ZNF33A: variants seen among roughly 807,000 people sequenced by gnomAD.
ZNF33A encodes zinc finger protein 33A.
Under a neutral mutation model 15.9 loss-of-function variants are expected in ZNF33A, and 9 were observed. The ratio of observed to expected loss-of-function variants is 0.57; its 90% confidence interval spans 0.34 to 0.99. The LOEUF (loss-of-function observed/expected upper bound fraction) is 0.99, where lower values mean the gene tolerates loss of function less well. Among genes scored for constraint, ZNF33A ranks in the 50% least tolerant of loss-of-function variants. The probability of loss-of-function intolerance (pLI) is 0.02; values close to 1 mark genes in which losing one functional copy is unlikely to be tolerated. For missense variants in ZNF33A, 843 were observed against 941.6 expected (o/e 0.90, Z 1.37); for synonymous variants, 294 against 324.2 (o/e 0.91, Z 1.00).
chr10:38,026,733 A>C (rs757911803), intron 4 of ZNF33A, among the ~76,000 whole-genome samples: 2 of 152,254 alleles, frequency 1.3e-5, no homozygotes, highest in African/African-American at 4.8e-5. Flanking sequence ...CATTTTAAGT[A>C]GGGATCTAAC....
chr10:38,067,265 G>T (rs1331663081), downstream of ZNF33A, among the ~76,000 whole-genome samples: 1 of 152,162 alleles, frequency 6.6e-6, no homozygotes, highest in Admixed American at 6.5e-5. Flanking sequence ...TTCTTAACAT[G>T]GTGTAATTGG....
At chr10:38,034,484 C>T (rs2065351498) in intron 4 of ZNF33A, among the ~76,000 whole-genome samples, 1 of 152,086 alleles carries the variant, frequency 6.6e-6, no homozygotes, top group African/African-American at 2.4e-5. Context: ...GGGAAAAAGC[C>T]CACAGTGGTA....
intron 4 of ZNF33A, among the ~76,000 whole-genome samples, chr10:38,044,219 T>G (rs1438541443): frequency 1.3e-5 from 2 of 150,792 alleles, no homozygotes; most frequent in Non-Finnish European, 1.5e-5. Flanking sequence ...TTTTTTTTTT[T>G]TTTTTGAGAT....
rs202192103 is a variant in ZNF33A at position 38,036,448 on chromosome 10, T to A, written c.251-17927T>A. ...GCAAGATTCTGTCTCAAAAAAAAAATAAAAATAAAAAATCTGTAACCCGCC... is the reference window on the plus strand; with the variant it reads ...GCAAGATTCTGTCTCAAAAAAAAAAAAAAAATAAAAAATCTGTAACCCGCC... On this transcript the variant is annotated intron_variant, in intron 4 of 4. Transcript: ENST00000432900. Among the ~76,000 whole-genome samples, 1,371 of 149,902 alleles carry A rather than the reference T, an allele frequency of 9.1e-3. 13 individuals carry two copies. Among genetic ancestry groups the A allele is most frequent in the South Asian group, 0.055 (262 of 4,764 alleles).
intron 4 of ZNF33A, among the ~76,000 whole-genome samples, chr10:38,041,293 C>T (rs913744651): frequency 2.4e-4 from 37 of 151,504 alleles, no homozygotes; most frequent in African/African-American, 8.7e-4. Flanking sequence ...CAGTGTCTCT[C>T]ATTCCACTCT....
rs1421301375 is a variant in ZNF33A at position 38,058,858 on chromosome 10, A to T, written c.*2298A>T. On this transcript the variant is annotated 3_prime_UTR_variant, in exon 5 of 5. Transcript: ENST00000432900. ...TTTTGAGATACTTAAGGTAGAAATGATACCAAGTCTCTACCATCTCTTTCA... is the reference window on the plus strand; with the variant it reads ...TTTTGAGATACTTAAGGTAGAAATGTTACCAAGTCTCTACCATCTCTTTCA... 1 of 152,210 alleles carries T rather than the reference A, an allele frequency of 6.6e-6. No homozygotes were observed. Among genetic ancestry groups the T allele is most frequent in the African/African-American group, 2.4e-5 (1 of 41,462 alleles). The allele number at this position is 152,210 out of a possible 1,614,324, so 9.4% of individuals were successfully genotyped here. A position where few individuals can be genotyped will look rare whatever the true frequency, so the allele number is the denominator to read the frequency against.
chr10:38,059,946 G>C lies in ZNF33A; in HGVS notation c.*3386G>C, dbSNP rs2066630919. 2.6e-6 allele frequency: 1 copy of C among 391,288 alleles called. No homozygotes were observed. Among genetic ancestry groups the C allele is most frequent in the African/African-American group, 2.2e-5 (1 of 45,876 alleles). 24.2% of individuals were successfully genotyped at this position (391,288 alleles called of 1,614,324 possible). ...ATTGGGGAGCCTGTGGAAGATGGGA[G>C]GGGAAAGGGTTATATGAGAATTCTC... On this transcript the variant is annotated 3_prime_UTR_variant, in exon 5 of 5. Coordinates refer to ENST00000432900, the MANE Select transcript of ZNF33A (RefSeq NM_006954.2).
At chr10:38,061,399 G>C (rs894558546), downstream of ZNF33A, among the ~76,000 whole-genome samples, 1 of 152,128 alleles carries the variant, frequency 6.6e-6, no homozygotes, top group African/African-American at 2.4e-5. Context: ...AAGGATACCA[G>C]TTCTCCCCAG....
chr10:38,017,243 G>A (rs774383556), intron 3 of ZNF33A, 48 bp from the exon 4 acceptor site: 2 of 1,559,724 alleles, frequency 1.3e-6, no homozygotes, highest in Non-Finnish European at 1.8e-6. Flanking sequence ...TCAAAGGCCT[G>A]AAGTCTAGAC....
At chr10:38,011,191 A>G (rs1373659626) in intron 1 of ZNF33A, among the ~76,000 whole-genome samples, 1 of 152,212 alleles carries the variant, frequency 6.6e-6, no homozygotes, top group Non-Finnish European at 1.5e-5. Flanking sequence ...CATCCTCTTT[A>G]GGTTCCGAAC....
At chr10:38,014,917 A>G (rs1477210886) in intron 2 of ZNF33A, among the ~76,000 whole-genome samples, 1 of 152,116 alleles carries the variant, frequency 6.6e-6, no homozygotes, top group Non-Finnish European at 1.5e-5. Flanking sequence ...AGAGTCGCCC[A>G]GGCTGGAGTG....
At chr10:38,016,708 C>T (rs1194487897) in intron 2 of ZNF33A, among the ~76,000 whole-genome samples, 163 bp from the exon 3 acceptor site, 1 of 152,160 alleles carries the variant, frequency 6.6e-6, no homozygotes, top group Non-Finnish European at 1.5e-5. Context: ...TTGATAATTT[C>T]TTTTGCATGA....
At chr10:38,035,485 T>C (rs2749563) in intron 4 of ZNF33A, among the ~76,000 whole-genome samples, 115,878 of 152,088 alleles carry the variant, frequency 0.76, 44,305 homozygotes, top group South Asian at 0.87. Flanking sequence ...TTGTTAATTA[T>C]GCCTATGTGG....
chr10:38,053,575 A>G (rs2066312926), intron 4 of ZNF33A, among the ~76,000 whole-genome samples: 1 of 152,236 alleles, frequency 6.6e-6, no homozygotes, highest in South Asian at 2.1e-4. Flanking sequence ...AGTTTAGTCC[A>G]TAACAGATTC....
At position 38,059,607 on chromosome 10, in the gene ZNF33A, G is replaced by C; in HGVS notation, c.*3047G>C. On this transcript the variant is annotated 3_prime_UTR_variant, in exon 5 of 5. Transcript: ENST00000432900. ...CTTATTGTTAAGTGAAAACCAATCT[G>C]AAAAGGCTTTCTATTTTGTATGATT... The C allele has an allele frequency of 6.6e-6, 1 of 152,182 alleles. No homozygotes were observed. Among genetic ancestry groups the C allele is most frequent in the Admixed American group, 6.5e-5 (1 of 15,280 alleles). The allele number at this position is 152,182 out of a possible 1,614,324, so 9.4% of individuals were successfully genotyped here. A position where few individuals can be genotyped will look rare whatever the true frequency, so the allele number is the denominator to read the frequency against.
At chr10:38,017,058 T>G in intron 3 of ZNF33A, 43 bp downstream of exon 3, 4 of 1,581,986 alleles carry the variant, frequency 2.5e-6, no homozygotes, top group Non-Finnish European at 3.4e-6. Flanking sequence ...CATTTGTTTA[T>G]TCTTTTGATT....
chr10:38,015,403 T>G (rs1211931008), intron 2 of ZNF33A, among the ~76,000 whole-genome samples: 1 of 152,132 alleles, frequency 6.6e-6, no homozygotes, highest in Non-Finnish European at 1.5e-5. Flanking sequence ...CCTCCCAGGT[T>G]AAAGGGATTC....
At chr10:38,015,316 T>C (rs1271814313) in intron 2 of ZNF33A, among the ~76,000 whole-genome samples, 1 of 152,068 alleles carries the variant, frequency 6.6e-6, no homozygotes, top group East Asian at 1.9e-4. Flanking sequence ...TGCTTCATTT[T>C]TTTTTGAGTT....
chr10:38,021,738 A>G (rs911650743), intron 4 of ZNF33A, among the ~76,000 whole-genome samples: 1 of 152,242 alleles, frequency 6.6e-6, no homozygotes, highest in African/African-American at 2.4e-5. Context: ...ATTCTGGGCC[A>G]TAAATAAGCC....
Sources: gnomAD v4.1 joint callset for allele counts (sites outside exome capture counted in the v4.1 genomes callset) on GRCh38, gnomAD v4.1.1 for gene constraint, MANE v1.5 for transcripts, NCBI Gene and HGNC (gene_info 2026-07-23, HGNC 2026-07-21) for gene names.